RHOBTB3: variants seen among roughly 807,000 people sequenced by gnomAD.
RHOBTB3 encodes Rho related BTB domain containing 3, also known as rho-related BTB domain-containing protein 3.
Under a neutral mutation model 67.2 loss-of-function variants are expected in RHOBTB3, and 47 were observed. That is an observed-to-expected ratio of 0.70 (90% CI 0.55 to 0.89). The LOEUF (loss-of-function observed/expected upper bound fraction) is 0.89, where lower values mean the gene tolerates loss of function less well. RHOBTB3 is among the 40% of genes least tolerant of loss of function. The probability of loss-of-function intolerance (pLI) is 0.00; values close to 1 mark genes in which losing one functional copy is unlikely to be tolerated. For missense variants in RHOBTB3, 631 were observed against 750.0 expected, an observed-to-expected ratio of 0.84 and a Z score of 1.85; for synonymous variants, 273 against 274.2, an observed-to-expected ratio of 1.00 and a Z score of 0.04.
chr5:95,786,739 T>C (rs1359231474), intron 10 of RHOBTB3, among the ~76,000 whole-genome samples: 1 of 152,268 alleles, frequency 6.6e-6, no homozygotes, highest in Non-Finnish European at 1.5e-5. Context: ...GTTCTTCTTG[T>C]AGCTCTTAAG....
At chr5:95,733,849 C>T (rs941762710) in intron 2 of RHOBTB3, among the ~76,000 whole-genome samples, 1 of 152,114 alleles carries the variant, frequency 6.6e-6, no homozygotes. Flanking sequence ...TGTACGGAAC[C>T]AGAATATTAA....
chr5:95,793,369 C>CT lies in RHOBTB3; in HGVS notation c.*196dup. Reference sequence around the variant, plus strand: ...AAAAGGGAACAAAATATACCATAGGCTAAAACTAAGGCTTTCACTCTAGAA... The same window carrying CT: ...AAAAGGGAACAAAATATACCATAGGCTTAAAACTAAGGCTTTCACTCTAGAA... On this transcript the variant is annotated 3_prime_UTR_variant, in exon 12 of 12. Coordinates refer to ENST00000379982, the MANE Select transcript of RHOBTB3 (RefSeq NM_014899.4). The CT allele has an allele frequency of 2.4e-6, 1 of 422,724 alleles. No individual in the cohort carries two copies. The highest frequency in any genetic ancestry group is 4.2e-6 in the Non-Finnish European group (1 of 239,406). 26.2% of individuals were successfully genotyped at this position (422,724 alleles called of 1,614,324 possible).
chr5:95,783,357 C>T (rs537834908), intron 9 of RHOBTB3, among the ~76,000 whole-genome samples: 254 of 151,334 alleles, frequency 1.7e-3, no homozygotes, highest in African/African-American at 5.9e-3. Context: ...TTCTTGACCT[C>T]GTGATCCGCC....
Position 95,788,896 on chromosome 5 carries a change from T to C in RHOBTB3, c.1720+38T>C, listed in dbSNP as rs116175996. The C allele has an allele frequency of 5.5e-4, 666 of 1,212,850 alleles. 3 individuals are homozygous for C. In the African/African-American group the frequency reaches 9.5e-3, roughly 17 times the overall value. The allele number at this position is 1,212,850 out of a possible 1,614,324, so 75.1% of individuals were successfully genotyped here. A position where few individuals can be genotyped will look rare whatever the true frequency, so the allele number is the denominator to read the frequency against. On this transcript the variant is annotated intron_variant, in intron 11 of 11. Transcript: ENST00000379982. ...TTTCTGTTTTGAAAAGAAAACTTTA[T>C]GTTCTTTGTTCTTAGATTTGAGACA...
At position 95,755,536 on chromosome 5, in the gene RHOBTB3, T is replaced by G. The variant is rs1561446552; in HGVS notation, c.823T>G (p.Cys275Gly). 6.8e-6 allele frequency: 11 copies of G among 1,614,096 alleles called. No individual in the cohort carries two copies. The highest frequency in any genetic ancestry group is 1.3e-5 in the African/African-American group (1 of 74,948). The stretch of plus-strand genomic sequence containing the variant: ...TGTAGAGGCCCACAAGATCGTTCTC[T>G]GCGCTGTAAGCCATGTTTTCATGCT... The part of the protein sequence containing the change: ...KVVEAHKIVL[C>G]AVSHVFMLLF... The change falls in exon 6 of 12, where the codon TGC becomes GGC. Residue 275 changes from cysteine (C) to glycine (G), a missense_variant. Cys to Gly is a radical substitution (Grantham distance 159, BLOSUM62 -3). Coordinates refer to ENST00000379982, the MANE Select transcript of RHOBTB3 (RefSeq NM_014899.4).
chr5:95,763,568 A>G lies in RHOBTB3; in HGVS notation c.1109A>G (p.Asp370Gly), dbSNP rs1745451297. 6.2e-7 allele frequency: 1 copy of G among 1,612,798 alleles called. No homozygotes were observed. The highest frequency in any genetic ancestry group is 8.5e-7 in the Non-Finnish European group (1 of 1,179,176). The change falls in exon 7 of 12, where the codon GAT (aspartate) becomes GGT (glycine). Residue 370 changes from aspartate (D) to glycine (G), a missense_variant. By Grantham distance (94) the Asp-to-Gly change is moderately conservative. Transcript: ENST00000379982. ...DIRKKLKDSG[D>G]VSNVIEKVKC... ...AGGAAGAAGTTGAAAGATTCTGGGG[A>G]TGTTTCAAATGTAATCGAGAAAGTT...
intron 9 of RHOBTB3, 59 bp from the exon 10 acceptor site, chr5:95,783,738 T>C: frequency 6.8e-7 from 1 of 1,462,452 alleles, no homozygotes; most frequent in Non-Finnish European, 9.5e-7. Context: ...GGGGGGTGTT[T>C]AGATCATTAA....
At position 95,731,479 on chromosome 5, in the gene RHOBTB3, G is replaced by A. The variant is rs957137045; in HGVS notation, c.-204G>A. ...AGTAGCGGCAGCTTATCCCCCGCCC[G>A]CTAGCCCGCCCTGGTCCCCGGCTCG... On this transcript the variant is annotated 5_prime_UTR_variant, in exon 1 of 12. Transcript: ENST00000379982. 8.2e-7 allele frequency: 1 copy of A among 1,225,140 alleles called. No individual in the cohort carries two copies. The highest frequency in any genetic ancestry group is 1.0e-6 in the Non-Finnish European group (1 of 986,490). The allele number at this position is 1,225,140 out of a possible 1,614,324, so 75.9% of individuals were successfully genotyped here.
intron 9 of RHOBTB3, 112 bp from the exon 10 acceptor site, chr5:95,783,685 T>C: frequency 2.4e-6 from 2 of 818,660 alleles, no homozygotes; most frequent in Non-Finnish European, 3.8e-6. Context: ...CTATGGTGGA[T>C]GCTACGGTCA....
chr5:95,744,545 G>T, intron 3 of RHOBTB3, among the ~76,000 whole-genome samples: 1 of 152,046 alleles, frequency 6.6e-6, no homozygotes, highest in East Asian at 1.9e-4. Flanking sequence ...TGGTTTTATG[G>T]ATGATCTGAG....
upstream of RHOBTB3, chr5:95,731,026 C>G: frequency 2.2e-6 from 2 of 905,822 alleles, no homozygotes; most frequent in South Asian, 1.6e-5. Flanking sequence ...ATCGCCCCAC[C>G]CCCCTTTCCT....
chr5:95,759,731 G>A (rs1745343828), intron 6 of RHOBTB3, among the ~76,000 whole-genome samples: 1 of 152,200 alleles, frequency 6.6e-6, no homozygotes, highest in Non-Finnish European at 1.5e-5. Context: ...TAGAATACAA[G>A]TGTTAAGGCA....
In RHOBTB3 at chr5:95,783,355, C is replaced by T. The variant is rs190096753; in HGVS notation, c.1457-442C>T. Among the ~76,000 whole-genome samples, 934 of 151,138 alleles carry T rather than the reference C, an allele frequency of 6.2e-3. 11 individuals are homozygous for T. Among genetic ancestry groups the T allele is most frequent in the African/African-American group, 0.021 (852 of 41,366 alleles). ...GCCAGGATGGACTTGATTTCTTGAC[C>T]TCGTGATCCGCCCACCTCGGCCTCC... On this transcript the variant is annotated intron_variant, in intron 9 of 11. Transcript: ENST00000379982.
chr5:95,738,462 TA>T (rs886731357), intron 3 of RHOBTB3, among the ~76,000 whole-genome samples: 1 of 152,154 alleles, frequency 6.6e-6, no homozygotes, highest in Admixed American at 6.5e-5. Flanking sequence ...AGTGAGACTT[TA>T]GGAGGTAATT....
rs114432072 is a variant in RHOBTB3, at chr5:95,780,076, T to C, written c.1283-176T>C. On this transcript the variant is annotated intron_variant, in intron 8 of 11. Coordinates refer to ENST00000379982, the MANE Select transcript of RHOBTB3 (RefSeq NM_014899.4). ...AAGGTCAACATCTGAACTTTCTTTATTGCTCCCTTTAAAATTAAGAAGTTT... is the reference window on the plus strand; with the variant it reads ...AAGGTCAACATCTGAACTTTCTTTACTGCTCCCTTTAAAATTAAGAAGTTT... The C allele has an allele frequency of 3.5e-3, 1,804 of 513,508 alleles. 17 individuals carry two copies. Among genetic ancestry groups the C allele is most frequent in the African/African-American group, 0.032 (1,673 of 53,064 alleles). The allele number at this position is 513,508 out of a possible 1,614,324, so 31.8% of individuals were successfully genotyped here.
intron 7 of RHOBTB3, among the ~76,000 whole-genome samples, chr5:95,764,847 G>C (rs1580415280): frequency 6.6e-6 from 1 of 151,880 alleles, no homozygotes; most frequent in African/African-American, 2.4e-5. Context: ...TGTAAACAAA[G>C]TAACGTGGAA....
At chr5:95,748,300 C>G in intron 3 of RHOBTB3, 33 bp from the exon 4 acceptor site, 2 of 1,537,468 alleles carry the variant, frequency 1.3e-6, no homozygotes, top group East Asian at 2.3e-5. Context: ...TGTTTAATTT[C>G]GAAACTCTTT....
chr5:95,738,343 G>T (rs933400406), intron 3 of RHOBTB3, among the ~76,000 whole-genome samples: 1 of 152,132 alleles, frequency 6.6e-6, no homozygotes, highest in African/African-American at 2.4e-5. Flanking sequence ...GTCCGCTACA[G>T]TCTGACTTTG....
intron 4 of RHOBTB3, among the ~76,000 whole-genome samples, chr5:95,751,782 A>C (rs946115508): frequency 1.3e-5 from 2 of 152,180 alleles, no homozygotes; most frequent in Admixed American, 6.5e-5. Context: ...AAGTGAGAAC[A>C]TGTGGTATTT....
Sources: gnomAD v4.1 joint callset for allele counts (sites outside exome capture counted in the v4.1 genomes callset) on GRCh38, gnomAD v4.1.1 for gene constraint, MANE v1.5 for transcripts, NCBI Gene and HGNC (gene_info 2026-07-23, HGNC 2026-07-21) for gene names.